Variants in ZNF521 observed in about 807,000 individuals in gnomAD.
The protein encoded by ZNF521 is zinc finger protein 521, also known as LYST-interacting protein 3.
In ZNF521, 14 loss-of-function variants were observed where a neutral mutation model predicts 105.5. The observed-to-expected ratio is 0.13, with a 90% CI of 0.09 to 0.21. The LOEUF (loss-of-function observed/expected upper bound fraction) is 0.21. Ranked by LOEUF, ZNF521 falls within the 10% of genes least tolerant of loss-of-function variation. ZNF521 has a pLI of 1.00. For missense variants in ZNF521, 1,233 were observed against 1,629.7 expected (o/e 0.76, Z 4.19); for synonymous variants, 635 against 606.0 (o/e 1.05, Z -0.70).
intron 7 of ZNF521, among the ~76,000 whole-genome samples, chr18:25,064,598 T>C (rs1195960313): frequency 6.6e-6 from 1 of 152,134 alleles, no homozygotes; most frequent in Non-Finnish European, 1.5e-5. Context: ...AAGGGAGCCA[T>C]TGGAGTATTT....
chr18:25,129,483 T>A lies in ZNF521; in HGVS notation c.3659-37402A>T, dbSNP rs563052388. On this transcript the variant is annotated intron_variant, in intron 5 of 7. Transcript: ENST00000361524. ...ATCCATGAAAGAAAATTCAAGAAGA[T>A]AAGCTTCATTGAAGTTAAAAACTTC... Among the ~76,000 whole-genome samples the A allele has an allele frequency of 5.3e-5, 8 of 151,964 alleles. No individual in the cohort carries two copies. In the East Asian group the frequency reaches 1.5e-3, roughly 29 times the overall value.
chr18:25,086,950 G>A (rs985396487), intron 7 of ZNF521, among the ~76,000 whole-genome samples: 1 of 152,082 alleles, frequency 6.6e-6, no homozygotes, highest in African/African-American at 2.4e-5. Context: ...AGGTCTGTAA[G>A]GTCAAACTAT....
intron 3 of ZNF521, among the ~76,000 whole-genome samples, chr18:25,238,362 ACT>A (rs1395880972): frequency 6.6e-6 from 1 of 152,074 alleles, no homozygotes; most frequent in African/African-American, 2.4e-5. Flanking sequence ...CAAACCTATA[ACT>A]CTCTGTTAAC....
intron 5 of ZNF521, among the ~76,000 whole-genome samples, chr18:25,116,101 T>G (rs4800623): frequency 0.41 from 62,290 of 151,982 alleles, 14,273 homozygotes; most frequent in Non-Finnish European, 0.52. Flanking sequence ...CGATCTGTTG[T>G]GATGGTATTC....
chr18:25,111,419 CAT>C (rs1211914297), intron 5 of ZNF521, among the ~76,000 whole-genome samples: 12 of 152,104 alleles, frequency 7.9e-5, no homozygotes, highest in Admixed American at 3.9e-4. Context: ...TCTGAGGACT[CAT>C]GTGATTTTAA....
intron 2 of ZNF521, among the ~76,000 whole-genome samples, chr18:25,342,718 G>A (rs79139909): frequency 0.25 from 37,549 of 152,056 alleles, 4,659 homozygotes; most frequent in Admixed American, 0.3. Flanking sequence ...GTGAGCCACC[G>A]CGCCTGGCCT....
At chr18:25,136,749 A>C (rs2034741926) in intron 5 of ZNF521, 1 of 152,224 alleles carries the variant, frequency 6.6e-6, no homozygotes, top group Non-Finnish European at 1.5e-5. Flanking sequence ...TCTAGTAATA[A>C]AACAGAAAAT....
chr18:25,328,212 GTTTAGAC>G (rs2095585994), intron 2 of ZNF521, among the ~76,000 whole-genome samples: 2 of 152,162 alleles, frequency 1.3e-5, no homozygotes, highest in African/African-American at 4.8e-5. Context: ...CACTGTTGAA[GTTTAGAC>G]TTTCTGTGGT....
chr18:25,158,277 T>C (rs1216646427), intron 5 of ZNF521, among the ~76,000 whole-genome samples: 2 of 152,058 alleles, frequency 1.3e-5, no homozygotes, highest in African/African-American at 2.4e-5. Flanking sequence ...AAAGTATATA[T>C]GCATGTGCAT....
Position 25,215,304 on chromosome 18 carries a change from G to A in ZNF521, c.3573+9041C>T, listed in dbSNP as rs534706495. Among the ~76,000 whole-genome samples, 11 of 152,260 alleles carry A rather than the reference G, an allele frequency of 7.2e-5. No individual in the cohort carries two copies. The South Asian group carries it at 2.3e-3, about 32-fold the overall frequency. On this transcript the variant is annotated intron_variant, in intron 4 of 7. Coordinates refer to ENST00000361524, the MANE Select transcript of ZNF521 (RefSeq NM_015461.3). Reference sequence around the variant, plus strand: ...CAGGCTTTTTAAAAGCTTTTGGCAAGATTCTTAAAATTAGGCTGCTAAATT... The same window carrying A: ...CAGGCTTTTTAAAAGCTTTTGGCAAAATTCTTAAAATTAGGCTGCTAAATT...
rs139142866 is a variant in ZNF521 at position 25,224,150 on chromosome 18, T to A, written c.3573+195A>T. ...CTGGAATTAGTCCTATTTTGCACCA[T>A]TCAAGCCAAAATGCTGCTTATCAAG... On this transcript the variant is annotated intron_variant, in intron 4 of 7. Transcript: ENST00000361524. 1,567 of 606,878 alleles carry A rather than the reference T, an allele frequency of 2.6e-3. 12 individuals are homozygous for A. Among genetic ancestry groups the A allele is most frequent in the African/African-American group, 0.014 (745 of 54,092 alleles). The allele number at this position is 606,878 out of a possible 1,614,324, so 37.6% of individuals were successfully genotyped here. A position where few individuals can be genotyped will look rare whatever the true frequency, so the allele number is the denominator to read the frequency against.
At position 25,227,047 on chromosome 18, in the gene ZNF521, C is replaced by G. The variant is rs116142901; in HGVS notation, c.871G>C (p.Val291Leu). 99 of 1,614,008 alleles carry G rather than the reference C, an allele frequency of 6.1e-5. 1 individual carries two copies. Among genetic ancestry groups the G allele is most frequent in the Non-Finnish European group, 8.3e-5 (98 of 1,180,022 alleles). The change falls in exon 4 of 8, where the codon GTA (valine) becomes CTA (leucine). Residue 291 changes from valine to leucine, a missense_variant. Around this residue, in one of 6 missense-constraint regions of ZNF521, gnomAD observed 380 missense variants for 478.0 expected, o/e 0.80. Coordinates refer to ENST00000361524, the MANE Select transcript of ZNF521 (RefSeq NM_015461.3). This position sits in a 1 kb window ranked among gnomAD's most constrained non-coding sequence, Gnocchi z 5.7. Reference protein sequence around the residue: ...LQCVYCHELFVEETSLMNHME... With the variant: ...LQCVYCHELFLEETSLMNHME... ...TGGTTCATGAGGGAGGTCTCCTCTA[C>G]GAAGAGCTCGTGGCAGTAGACACAC...
intron 3 of ZNF521, among the ~76,000 whole-genome samples, chr18:25,243,518 A>G (rs920420393): frequency 6.6e-6 from 1 of 152,204 alleles, no homozygotes; most frequent in African/African-American, 2.4e-5. Context: ...TCAGCAGAAG[A>G]TCTGGTGTCA....
chr18:25,137,202 A>G (rs7227553), intron 5 of ZNF521, among the ~76,000 whole-genome samples: 70,940 of 152,060 alleles, frequency 0.47, 16,803 homozygotes, highest in South Asian at 0.56. Flanking sequence ...TGCTTGCCAA[A>G]GCAGTGTTAA....
At chr18:25,336,819 T>C (rs1053136308) in intron 2 of ZNF521, among the ~76,000 whole-genome samples, 1 of 152,192 alleles carries the variant, frequency 6.6e-6, no homozygotes, top group African/African-American at 2.4e-5. Context: ...AAGAGTTGTA[T>C]GCTATGGTGT....
intron 7 of ZNF521, among the ~76,000 whole-genome samples, chr18:25,078,883 G>A (rs901138715): frequency 6.6e-6 from 1 of 152,184 alleles, no homozygotes; most frequent in Non-Finnish European, 1.5e-5. Context: ...TGCAGAGGGC[G>A]GGGGAGGTGG....
chr18:25,166,639 A>G (rs143744285), intron 5 of ZNF521, among the ~76,000 whole-genome samples: 2 of 152,320 alleles, frequency 1.3e-5, no homozygotes, highest in Non-Finnish European at 2.9e-5. Context: ...CAAAAATATA[A>G]TTCAAATCTT....
rs144377131 is a variant in ZNF521 at position 25,322,634 on chromosome 18, T to C, written c.41-447A>G. Among the ~76,000 whole-genome samples, 9 of 151,246 alleles carry C rather than the reference T, an allele frequency of 6.0e-5. No individual in the cohort carries two copies. In the East Asian group the frequency reaches 1.8e-3, roughly 29 times the overall value. On this transcript the variant is annotated intron_variant, in intron 2 of 7. Transcript: ENST00000361524. ...GGAAATTACCAGAATTAGCCAAAAGTCTAGAATAAGCTAAGCCAATTACCA... is the reference window on the plus strand; with the variant it reads ...GGAAATTACCAGAATTAGCCAAAAGCCTAGAATAAGCTAAGCCAATTACCA...
At chr18:25,278,224 A>G (rs1263279399) in intron 3 of ZNF521, among the ~76,000 whole-genome samples, 3 of 152,226 alleles carry the variant, frequency 2.0e-5, no homozygotes, top group Non-Finnish European at 4.4e-5. Context: ...TATTTTGAAT[A>G]GCACTTAAAA....
Sources: gnomAD v4.1 joint callset for allele counts (sites outside exome capture counted in the v4.1 genomes callset) on GRCh38, gnomAD v4.1.1 for gene constraint, gnomAD v4.1.1 regional missense constraint, Gnocchi (gnomAD v3.1) non-coding constraint, MANE v1.5 for transcripts, NCBI Gene and HGNC (gene_info 2026-07-23, HGNC 2026-07-21) for gene names.